BMP15: variants seen among roughly 807,000 people sequenced by gnomAD.
BMP15 encodes bone morphogenetic protein 15.
In BMP15, 5 loss-of-function variants were observed where a neutral mutation model predicts 4.4. The ratio of observed to expected loss-of-function variants is 1.13; its 90% confidence interval spans 0.59 to 2.38. The LOEUF is 2.38. BMP15 is among the 30% of genes most tolerant of loss of function. The probability of loss-of-function intolerance (pLI) is 0.01; values close to 1 mark genes in which losing one functional copy is unlikely to be tolerated. For synonymous variants in BMP15, 125 were observed against 114.6 expected (o/e 1.09, Z -0.58); for missense variants, 339 against 309.8 (o/e 1.09, Z -0.71).
intron 1 of BMP15, among the ~76,000 whole-genome samples, chrX:50,914,256 G>C (rs1383021083): frequency 8.9e-6 from 1 of 111,974 alleles, no homozygotes; most frequent in Non-Finnish European, 1.9e-5. Context: ...AGAGGCGTGA[G>C]CCACCGCGCC....
rs1234742734 is a variant in BMP15 at position 50,910,754 on chromosome X, G to A, written c.-30G>A. 8.6e-7 allele frequency: 1 copy of A among 1,163,463 alleles called. No individual in the cohort carries two copies. The highest frequency in any genetic ancestry group is 1.2e-6 in the Non-Finnish European group (1 of 856,494). The stretch of plus-strand genomic sequence containing the variant: ...GTGACGTCCCTTGGGCTTGTGTTGG[G>A]GCCTGTTGTTGAACACTAAGCCTTT... On this transcript the variant is annotated 5_prime_UTR_variant, in exon 1 of 2. Coordinates refer to ENST00000252677, the MANE Select transcript of BMP15 (RefSeq NM_005448.2).
In BMP15 at chrX:50,916,210, C is replaced by CTCT. The variant is rs371124071; in HGVS notation, c.786_788dup (p.Leu263dup). On this transcript the variant is annotated inframe_insertion, in exon 2 of 2. Transcript: ENST00000252677. ...ATGGAGGAGTTCATGGAAAGGGAAT[C>CTCT]TCTTCTCCGGAGAACCCGACAAGCA... The CTCT allele has an allele frequency of 0.034, 40,893 of 1,208,442 alleles. 4,697 individuals carry two copies. In the African/African-American group the frequency reaches 0.44, roughly 13 times the overall value.
intron 1 of BMP15, among the ~76,000 whole-genome samples, chrX:50,913,627 A>T (rs1211278010): frequency 9.0e-6 from 1 of 111,493 alleles, no homozygotes; most frequent in African/African-American, 3.3e-5. Flanking sequence ...GACAGGTTCA[A>T]TCACACAGGA....
intron 1 of BMP15, 93 bp downstream of exon 1, chrX:50,911,204 G>T (rs1000807740): frequency 2.0e-4 from 200 of 1,017,553 alleles, no homozygotes; most frequent in Non-Finnish European, 2.6e-4. Context: ...GTCAGGCTTT[G>T]TTGCCTTGTG....
rs151223850 is a variant in BMP15 at position 50,916,439 on chromosome X, C to T, written c.1011C>T (p.His337=). ...VLRDGLNSPN[H]AIIQNLINQL... ...GCGATGGTCTCAATTCCCCCAATCA[C>T]GCCATTATTCAGAACCTTATCAATC... Residue 337 remains histidine (H), a synonymous_variant, in exon 2 of 2, where the codon CAC becomes CAT. Coordinates refer to ENST00000252677, the MANE Select transcript of BMP15 (RefSeq NM_005448.2). 1,129 of 1,208,690 alleles carry T rather than the reference C, an allele frequency of 9.3e-4. 3 individuals carry two copies. The African/African-American group carries it at 0.012, about 13-fold the overall frequency.
chrX:50,916,469 G>C lies in BMP15; in HGVS notation c.1041G>C (p.Leu347Phe), dbSNP rs781898359. The change falls in exon 2 of 2, where the codon TTG (leucine) becomes TTC (phenylalanine). Residue 347 changes from leucine (L) to phenylalanine (F), a missense_variant. Coordinates refer to ENST00000252677, the MANE Select transcript of BMP15 (RefSeq NM_005448.2). ...TTATTCAGAACCTTATCAATCAGTT[G>C]GTGGACCAGAGTGTCCCCCGGCCCT... ...HAIIQNLINQ[L>F]VDQSVPRPSC... is the part of the protein sequence containing the mutation. 1.2e-5 allele frequency: 15 copies of C among 1,211,456 alleles called. No homozygotes were observed. Among genetic ancestry groups the C allele is most frequent in the East Asian group, 1.2e-4 (4 of 33,828 alleles).
intron 1 of BMP15, among the ~76,000 whole-genome samples, chrX:50,913,996 G>C (rs954014903): frequency 9.0e-6 from 1 of 111,722 alleles, no homozygotes. Context: ...TTGAGATGGA[G>C]TTTCGCTCTT....
At position 50,910,744 on chromosome X, in the gene BMP15, C is replaced by T. The variant is rs782060232; in HGVS notation, c.-40C>T. On this transcript the variant is annotated 5_prime_UTR_variant, in exon 1 of 2. Transcript: ENST00000252677. The stretch of plus-strand genomic sequence containing the variant: ...AATGGTCAGAGTGACGTCCCTTGGG[C>T]TTGTGTTGGGGCCTGTTGTTGAACA... The T allele has an allele frequency of 5.3e-6, 6 of 1,138,524 alleles. No individual in the cohort carries two copies. Among genetic ancestry groups the T allele is most frequent in the Non-Finnish European group, 7.2e-6 (6 of 835,531 alleles). The allele number at this position is 1,138,524 out of a possible 1,213,427, so 93.8% of individuals were successfully genotyped here.
At position 50,915,923 on chromosome X, in the gene BMP15, T is replaced by C. The variant is rs1364136973; in HGVS notation, c.495T>C (p.Pro165=). The C allele has an allele frequency of 5.8e-6, 7 of 1,209,974 alleles. No individual in the cohort carries two copies. Among genetic ancestry groups the C allele is most frequent in the Non-Finnish European group, 7.8e-6 (7 of 895,264 alleles). ...AGAAAAACCCAACCAACCACTTCCC[T>C]TCCTCAGAAGGAGATTCCTCAAAAC... The part of the protein sequence containing the change: ...WVQKNPTNHF[P]SSEGDSSKPS... Residue 165 remains proline, a synonymous_variant, in exon 2 of 2, where the codon CCT becomes CCC. Transcript: ENST00000252677.
chrX:50,912,033 G>A (rs1923025934), intron 1 of BMP15, among the ~76,000 whole-genome samples: 1 of 111,272 alleles, frequency 9.0e-6, no homozygotes, highest in Non-Finnish European at 1.9e-5. Flanking sequence ...ACTAGTCTGA[G>A]ATGAAAAGGG....
At chrX:50,912,119 C>T (rs188623466) in intron 1 of BMP15, among the ~76,000 whole-genome samples, 2 of 111,749 alleles carry the variant, frequency 1.8e-5, no homozygotes, top group Non-Finnish European at 3.8e-5. Context: ...TTACTGTGTG[C>T]CAGGCATTGC....
rs182669306 is a variant in BMP15 at position 50,913,323 on chromosome X, C to T, written c.328+2212C>T. On this transcript the variant is annotated intron_variant, in intron 1 of 1. Transcript: ENST00000252677. Reference sequence around the variant, plus strand: ...GCACACCTGTGGTCCCAGCTACTCACGAGGCTGAGACCAGAGGATCATTTG... The same window carrying T: ...GCACACCTGTGGTCCCAGCTACTCATGAGGCTGAGACCAGAGGATCATTTG... Among the ~76,000 whole-genome samples the T allele has an allele frequency of 2.2e-3, 244 of 110,850 alleles. 1 individual carries two copies. Among genetic ancestry groups the T allele is most frequent in the South Asian group, 3.5e-3 (9 of 2,552 alleles).
In BMP15 at chrX:50,916,396, C is replaced by A. The variant is rs368771366; in HGVS notation, c.968C>A (p.Thr323Asn). The A allele has an allele frequency of 3.3e-6, 4 of 1,203,474 alleles. No individual in the cohort carries two copies. Among genetic ancestry groups the A allele is most frequent in the Non-Finnish European group, 3.4e-6 (3 of 890,111 alleles). The change falls in exon 2 of 2, where the codon ACT becomes AAT. Residue 323 changes from threonine to asparagine, a missense_variant. Coordinates refer to ENST00000252677, the MANE Select transcript of BMP15 (RefSeq NM_005448.2). The part of the protein sequence containing the change: ...PFYTPNYCKG[T>N]CLRVLRDGLN... ...TACACCCCAAACTACTGTAAAGGAA[C>A]TTGTCTCCGAGTACTACGCGATGGT... is the stretch of plus-strand genomic sequence containing the variant.
intron 1 of BMP15, among the ~76,000 whole-genome samples, chrX:50,913,334 C>T (rs1432691109): frequency 9.0e-6 from 1 of 110,825 alleles, no homozygotes; most frequent in African/African-American, 3.3e-5. Context: ...GAGGCTGAGA[C>T]CAGAGGATCA....
rs113099187 is a variant in BMP15 at position 50,910,796 on chromosome X, A to C, written c.13A>C (p.Ser5Arg). 7,190 of 1,205,757 alleles carry C rather than the reference A, an allele frequency of 6.0e-3. 295 individuals carry two copies. In the African/African-American group the frequency reaches 0.11, roughly 19 times the overall value. Residue 5 changes from serine to arginine, a missense_variant, in exon 1 of 2, where the codon AGT becomes CGT. Transcript: ENST00000252677. The stretch of plus-strand genomic sequence containing the variant: ...TAAGCCTTTCAAGATGGTCCTCCTC[A>C]GTATTCTTAGAATTCTTTTTCTTTG... The part of the protein sequence containing the change: MVLL[S>R]ILRILFLCEL...
intron 1 of BMP15, among the ~76,000 whole-genome samples, chrX:50,913,600 A>G (rs1184096512): frequency 8.9e-6 from 1 of 111,841 alleles, no homozygotes; most frequent in African/African-American, 3.3e-5. Flanking sequence ...GACTGTGGAA[A>G]GGATCCAGAG....
chrX:50,914,365 G>A (rs782256235), intron 1 of BMP15, among the ~76,000 whole-genome samples: 10 of 112,500 alleles, frequency 8.9e-5, no homozygotes, highest in East Asian at 2.8e-4. Flanking sequence ...GGGGCAGATC[G>A]CTTGAACCCA....
rs781931666 is a variant in BMP15, at chrX:50,916,434, A to C, written c.1006A>C (p.Asn336His). The C allele has an allele frequency of 5.0e-6, 6 of 1,210,434 alleles. No individual in the cohort carries two copies. The highest frequency in any genetic ancestry group is 6.7e-6 in the Non-Finnish European group (6 of 894,662). ...ACTACGCGATGGTCTCAATTCCCCC[A>C]ATCACGCCATTATTCAGAACCTTAT... is the stretch of plus-strand genomic sequence containing the variant. Reference protein sequence around the residue: ...RVLRDGLNSPNHAIIQNLINQ... With the variant: ...RVLRDGLNSPHHAIIQNLINQ... The change falls in exon 2 of 2, where the codon AAT becomes CAT. Residue 336 changes from asparagine to histidine, a missense_variant. Asn to His is a moderately conservative substitution (Grantham distance 68). Transcript: ENST00000252677.
chrX:50,914,136 AATTT>A, intron 1 of BMP15, among the ~76,000 whole-genome samples: 1 of 111,443 alleles, frequency 9.0e-6, no homozygotes, highest in African/African-American at 3.2e-5. Flanking sequence ...ACGCCCGGCT[AATTT>A]TTTGTATTTT....
Sources: gnomAD v4.1 joint callset for allele counts (sites outside exome capture counted in the v4.1 genomes callset) on GRCh38, gnomAD v4.1.1 for gene constraint, MANE v1.5 for transcripts, NCBI Gene and HGNC (gene_info 2026-07-23, HGNC 2026-07-21) for gene names.